The following VPS16 variants were observed in gnomAD, a reference collection of about 807,000 sequenced individuals.
The protein encoded by VPS16 is VPS16 core subunit of CORVET and HOPS complexes.
In VPS16, 82 loss-of-function variants were observed where a neutral mutation model predicts 116.0. The ratio of observed to expected loss-of-function variants is 0.71; its 90% CI spans 0.59 to 0.85. VPS16 has a LOEUF of 0.85. VPS16 is among the 40% of genes least tolerant of loss of function. VPS16 has a pLI of 0.00. For missense variants in VPS16, 928 were observed against 1,090.6 expected (o/e 0.85, Z 2.10); for synonymous variants, 406 against 420.7 (o/e 0.96, Z 0.43).
intron 1 of VPS16, among the ~76,000 whole-genome samples, chr20:2,858,926 G>C (rs2146663003): frequency 6.6e-6 from 1 of 152,278 alleles, no homozygotes; most frequent in Middle Eastern, 3.4e-3. Context: ...TGCTAACTCA[G>C]TACCTCTAAA....
In VPS16 at chr20:2,862,943, G is replaced by C; in HGVS notation, c.1331+9G>C. ...CCGCTCACCTATAGCCAGTATCCCT[G>C]TGCACGCCAGAAGGGTACCCTACAG... On this transcript the variant is annotated intron_variant, in intron 13 of 23. Transcript: ENST00000380445. 1.2e-6 allele frequency: 2 copies of C among 1,613,792 alleles called. No individual in the cohort carries two copies. The highest frequency in any genetic ancestry group is 1.7e-6 in the Non-Finnish European group (2 of 1,179,820).
chr20:2,863,978 T>A lies in VPS16; in HGVS notation c.1506T>A (p.Asp502Glu), dbSNP rs1201063906. ...KVQQKDVSDEDVARAINQKLG... is the reference protein window; with the variant it reads ...KVQQKDVSDEEVARAINQKLG... ...AACAGAAGGATGTCTCAGATGAGGATGTGGCTCGAGCCATTAACCAGAAGC... is the reference window on the plus strand; with the variant it reads ...AACAGAAGGATGTCTCAGATGAGGAAGTGGCTCGAGCCATTAACCAGAAGC... The change falls in exon 16 of 24, where the codon GAT becomes GAA. Residue 502 changes from aspartate to glutamate, a missense_variant. Physicochemically the swap from Asp to Glu is conservative, Grantham distance 45. Coordinates refer to ENST00000380445, the MANE Select transcript of VPS16 (RefSeq NM_022575.4). The surrounding 1 kb of genome is among the most constrained non-coding windows in gnomAD (Gnocchi z 4.4). 6.2e-7 allele frequency: 1 copy of A among 1,613,412 alleles called. No homozygotes were observed. Among genetic ancestry groups the A allele is most frequent in the African/African-American group, 1.3e-5 (1 of 75,012 alleles).
At chr20:2,849,118 A>G (rs183115841) in intron 1 of VPS16, among the ~76,000 whole-genome samples, 10 of 152,222 alleles carry the variant, frequency 6.6e-5, no homozygotes, top group Admixed American at 6.5e-4. Flanking sequence ...TGTCAGTTTC[A>G]TGTGGATCTA....
intron 1 of VPS16, among the ~76,000 whole-genome samples, chr20:2,852,213 A>G (rs2089129236): frequency 1.3e-5 from 2 of 152,052 alleles, no homozygotes. Context: ...AGTACTAGAT[A>G]TTCTCACACC....
In VPS16 at chr20:2,864,714, G is replaced by A. The variant is rs780168527; in HGVS notation, c.1926+60G>A. The A allele has an allele frequency of 5.1e-4, 788 of 1,550,792 alleles. 1 individual carries two copies. Among genetic ancestry groups the A allele is most frequent in the Non-Finnish European group, 5.3e-4 (602 of 1,129,412 alleles). Reference sequence around the variant, plus strand: ...GCATGTGGGCTGGGGCTGTTGGTCCGGTTCCTTCAGGAATCTAGGCCTTCG... The same window carrying A: ...GCATGTGGGCTGGGGCTGTTGGTCCAGTTCCTTCAGGAATCTAGGCCTTCG... On this transcript the variant is annotated intron_variant, in intron 19 of 23. Transcript: ENST00000380445. The surrounding 1 kb of genome is among the most constrained non-coding windows in gnomAD (Gnocchi z 5.2).
chr20:2,863,993 T>C lies in VPS16; in HGVS notation c.1521T>C (p.Ile507=). Residue 507 remains isoleucine, a synonymous_variant, in exon 16 of 24, where the codon ATT becomes ATC. Coordinates refer to ENST00000380445, the MANE Select transcript of VPS16 (RefSeq NM_022575.4). This position sits in a 1 kb window ranked among gnomAD's most constrained non-coding sequence, Gnocchi z 4.4. ...DVSDEDVARA[I]NQKLGDTPGV... Reference sequence around the variant, plus strand: ...CAGATGAGGATGTGGCTCGAGCCATTAACCAGAAGCTGGGGGACACGCCTG... The same window carrying C: ...CAGATGAGGATGTGGCTCGAGCCATCAACCAGAAGCTGGGGGACACGCCTG... The C allele has an allele frequency of 6.2e-7, 1 of 1,614,076 alleles. No individual in the cohort carries two copies. Among genetic ancestry groups the C allele is most frequent in the Non-Finnish European group, 8.5e-7 (1 of 1,179,986 alleles).
rs1481322404 is a variant in VPS16 at position 2,840,805 on chromosome 20, C to T, written c.31C>T (p.Leu11Phe). The T allele has an allele frequency of 6.5e-7, 1 of 1,548,224 alleles. No homozygotes were observed. The highest frequency in any genetic ancestry group is 1.4e-5 in the African/African-American group (1 of 73,066). The change falls in exon 1 of 24, where the codon CTC (leucine) becomes TTC (phenylalanine). Residue 11 changes from leucine (L) to phenylalanine (F), a missense_variant. By Grantham distance (22) the Leu-to-Phe change is conservative (BLOSUM62 0). Transcript: ENST00000380445. MDCYTANWNP[L>F]GDSAFYRKYE... is the part of the protein sequence containing the mutation. ...CTGCTACACGGCGAACTGGAACCCACTCGGGGACTCTGCCTTTTACCGGTG... is the reference window on the plus strand; with the variant it reads ...CTGCTACACGGCGAACTGGAACCCATTCGGGGACTCTGCCTTTTACCGGTG...
At chr20:2,862,498 A>G (rs781335863) in intron 11 of VPS16, 81 bp from the exon 12 acceptor site, 3 of 1,556,356 alleles carry the variant, frequency 1.9e-6, no homozygotes, top group African/African-American at 2.7e-5. Context: ...GCTTATTTGA[A>G]CCACAACCCA....
Position 2,866,607 on chromosome 20 carries a change from TCCTC to T in VPS16, c.*36_*39del, listed in dbSNP as rs2089353367. ...ATCCTGTACATCTCAAGCAAGGGGTTCCTCCCCTAGCACCTGGGCTTGGCAGAAG... is the reference window on the plus strand; with the variant it reads ...ATCCTGTACATCTCAAGCAAGGGGTTCCCTAGCACCTGGGCTTGGCAGAAG... On this transcript the variant is annotated 3_prime_UTR_variant, in exon 24 of 24. Coordinates refer to ENST00000380445, the MANE Select transcript of VPS16 (RefSeq NM_022575.4). The T allele has an allele frequency of 6.2e-7, 1 of 1,610,978 alleles. No homozygotes were observed. Among genetic ancestry groups the T allele is most frequent in the African/African-American group, 1.3e-5 (1 of 74,862 alleles).
chr20:2,843,462 C>G (rs1230496144), intron 1 of VPS16, among the ~76,000 whole-genome samples: 1 of 151,996 alleles, frequency 6.6e-6, no homozygotes, highest in African/African-American at 2.4e-5. Context: ...AGAAATATGC[C>G]TGTGCAGTAT....
chr20:2,862,713 T>TGGCCTGGATGGCCG lies in VPS16; in HGVS notation c.1203+8_1203+21dup. 1 of 1,280,516 alleles carries TGGCCTGGATGGCCG rather than the reference T, an allele frequency of 7.8e-7. No individual in the cohort carries two copies. The highest frequency in any genetic ancestry group is 1.0e-6 in the Non-Finnish European group (1 of 979,684). The allele number at this position is 1,280,516 out of a possible 1,614,324, so 79.3% of individuals were successfully genotyped here. A position where few individuals can be genotyped will look rare whatever the true frequency, so the allele number is the denominator to read the frequency against. On this transcript the variant is annotated splice_donor_region_variant and intron_variant, in intron 12 of 23. Coordinates refer to ENST00000380445, the MANE Select transcript of VPS16 (RefSeq NM_022575.4). ...ACATGCAGAAGAGTCTGCTCAGGGT[T>TGGCCTGGATGGCCG]GGCCTGGATGGCCGGGCCGGGGAGG...
intron 1 of VPS16, among the ~76,000 whole-genome samples, chr20:2,852,773 C>T (rs911740562): frequency 4.6e-5 from 7 of 152,190 alleles, no homozygotes; most frequent in Non-Finnish European, 1.0e-4. Flanking sequence ...TCTTAAGCAA[C>T]GTGTAGTATT....
intron 1 of VPS16, among the ~76,000 whole-genome samples, chr20:2,846,318 T>C (rs1277398338): frequency 1.3e-5 from 2 of 152,034 alleles, no homozygotes; most frequent in Admixed American, 1.3e-4. Flanking sequence ...GGTTTCACCA[T>C]GTTGGCCAGG....
chr20:2,858,214 C>T (rs552196023), intron 1 of VPS16, among the ~76,000 whole-genome samples: 1 of 152,110 alleles, frequency 6.6e-6, no homozygotes, highest in East Asian at 1.9e-4. Flanking sequence ...CCTGCCTCAG[C>T]CCCCCAAGTA....
chr20:2,864,440 TG>T lies in VPS16; in HGVS notation c.1798del (p.Ala600ProfsTer14). 3.7e-6 allele frequency: 6 copies of T among 1,614,176 alleles called. No individual in the cohort carries two copies. The highest frequency in any genetic ancestry group is 4.2e-6 in the Non-Finnish European group (5 of 1,180,038). On this transcript the variant is annotated frameshift_variant, in exon 18 of 24. Transcript: ENST00000380445. LOFTEE classifies it high-confidence loss of function. The surrounding 1 kb of genome is among the most constrained non-coding windows in gnomAD (Gnocchi z 5.2). ...TTCATGACCCTTCGGAATCAGCCCA[TG>T]GCCCTCAGTTTGTACCGACAGGTGT... ...DFFMTLRNQP[M>X]ALSLYRQFCK...
At position 2,866,329 on chromosome 20, in the gene VPS16, G is replaced by C. The variant is rs375033643; in HGVS notation, c.2375+14G>C. 76 of 1,614,154 alleles carry C rather than the reference G, an allele frequency of 4.7e-5. No individual in the cohort carries two copies. In the Middle Eastern group the frequency reaches 3.5e-3, roughly 74 times the overall value. ...GCTTCTTGTTGGGTGCGTCAACTGA[G>C]GGCCTGTGGGTGCTGGGTGGCTGAG... is the stretch of plus-strand genomic sequence containing the variant. On this transcript the variant is annotated intron_variant, in intron 23 of 23. Transcript: ENST00000380445.
At chr20:2,843,296 G>A (rs1294062837) in intron 1 of VPS16, among the ~76,000 whole-genome samples, 1 of 152,124 alleles carries the variant, frequency 6.6e-6, no homozygotes, top group African/African-American at 2.4e-5. Flanking sequence ...GCCGGGCGTG[G>A]TGGCACACAC....
chr20:2,844,253 G>A (rs1334189101), intron 1 of VPS16, among the ~76,000 whole-genome samples: 1 of 152,178 alleles, frequency 6.6e-6, no homozygotes, highest in African/African-American at 2.4e-5. Context: ...TTATGCATAG[G>A]CAGGACTTGA....
At chr20:2,850,574 C>A (rs1443729525) in intron 1 of VPS16, among the ~76,000 whole-genome samples, 1 of 151,858 alleles carries the variant, frequency 6.6e-6, no homozygotes, top group Non-Finnish European at 1.5e-5. Flanking sequence ...TGCAGTTAGC[C>A]GAGATTTTGC....
Sources: allele counts gnomAD v4.1 joint callset (sites outside exome capture counted in the v4.1 genomes callset), GRCh38; gene constraint gnomAD v4.1.1; non-coding constraint Gnocchi (gnomAD v3.1); transcripts MANE v1.5; gene names NCBI Gene and HGNC (gene_info 2026-07-23, HGNC 2026-07-21).